ARHGEF7: variants seen among roughly 807,000 people sequenced by gnomAD.
ARHGEF7 encodes Rho guanine nucleotide exchange factor 7.
In ARHGEF7, 33 loss-of-function variants were observed where a neutral mutation model predicts 109.8. That is an observed-to-expected ratio of 0.30 (90% CI 0.23 to 0.40). The LOEUF is 0.40. Among genes scored for constraint, ARHGEF7 ranks in the 10% least tolerant of loss-of-function variants. The pLI, the probability that ARHGEF7 is intolerant of heterozygous loss-of-function variation, is 1.00. For missense variants in ARHGEF7, 938 were observed against 1,098.5 expected, an observed-to-expected ratio of 0.85 and a Z score of 2.07; for synonymous variants, 458 against 424.6, an observed-to-expected ratio of 1.08 and a Z score of -0.97.
At chr13:111,217,935 A>G in intron 5 of ARHGEF7, 55 bp downstream of exon 5, 3 of 1,512,452 alleles carry the variant, frequency 2.0e-6, no homozygotes, top group Non-Finnish European at 2.7e-6. Context: ...AGAAAGAAGT[A>G]AATGTACTTG....
At chr13:111,209,806 G>A in intron 3 of ARHGEF7, 66 bp from the exon 4 acceptor site, 4 of 1,578,920 alleles carry the variant, frequency 2.5e-6, no homozygotes, top group Non-Finnish European at 3.5e-6. Context: ...AAAGTCTAGT[G>A]TGTAGTGTGG....
At chr13:111,287,005 C>G (rs2093047103) in intron 17 of ARHGEF7, among the ~76,000 whole-genome samples, 1 of 152,172 alleles carries the variant, frequency 6.6e-6, no homozygotes, top group Non-Finnish European at 1.5e-5. Flanking sequence ...CTTCACTGCT[C>G]ACTTCCTCCA....
rs1454325012 is a variant in ARHGEF7, at chr13:111,288,577, G to GT, written c.2134+135dup. The GT allele has an allele frequency of 2.5e-5, 13 of 521,572 alleles. 1 individual carries two copies. The highest frequency in any genetic ancestry group is 2.1e-4 in the African/African-American group (11 of 52,812). 32.3% of individuals were successfully genotyped at this position (521,572 alleles called of 1,614,324 possible). On this transcript the variant is annotated intron_variant, in intron 18 of 21. Coordinates refer to ENST00000646102, the MANE Select transcript of ARHGEF7 (RefSeq NM_001354046.2). The stretch of plus-strand genomic sequence containing the variant: ...TGACCTCCCAGTGAGTGATGTTTCA[G>GT]TCAGGGGTGGCAGGCAGGACAGCAG...
intron 1 of ARHGEF7, among the ~76,000 whole-genome samples, chr13:111,118,677 G>T (rs369561650): frequency 7.4e-4 from 112 of 152,280 alleles, no homozygotes; most frequent in African/African-American, 2.5e-3. Flanking sequence ...TTAGTCAAAG[G>T]AGGTGAAATC....
intron 18 of ARHGEF7, among the ~76,000 whole-genome samples, chr13:111,289,612 G>A (rs566931503): frequency 5.9e-5 from 9 of 152,080 alleles, no homozygotes; most frequent in Admixed American, 1.3e-4. Flanking sequence ...TCACTTGCTC[G>A]TTTTGTTAAT....
At chr13:111,279,145 T>C (rs2092648498) in intron 13 of ARHGEF7, among the ~76,000 whole-genome samples, 1 of 152,250 alleles carries the variant, frequency 6.6e-6, no homozygotes, top group Non-Finnish European at 1.5e-5. Context: ...GACTTACAGC[T>C]GTTAAAGTAC....
intron 1 of ARHGEF7, chr13:111,144,600 A>G (rs2075498168): frequency 6.6e-6 from 1 of 152,252 alleles, no homozygotes; most frequent in Non-Finnish European, 1.5e-5. Context: ...AGAATAAAGC[A>G]GTGACTACCA....
intron 1 of ARHGEF7, among the ~76,000 whole-genome samples, chr13:111,129,910 C>A (rs186950749): frequency 1.3e-5 from 2 of 152,320 alleles, no homozygotes; most frequent in East Asian, 1.9e-4. Context: ...TACGGCCATA[C>A]CACGCCTTGC....
At chr13:111,186,640 A>G (rs1487446651) in intron 2 of ARHGEF7, among the ~76,000 whole-genome samples, 2 of 152,268 alleles carry the variant, frequency 1.3e-5, no homozygotes, top group South Asian at 2.1e-4. Flanking sequence ...CACAAGTTCC[A>G]TTTGACAGTG....
intron 1 of ARHGEF7, among the ~76,000 whole-genome samples, chr13:111,130,675 A>T (rs1028302580): frequency 1.3e-5 from 2 of 152,258 alleles, no homozygotes; most frequent in African/African-American, 4.8e-5. Flanking sequence ...ACGTGAAAAG[A>T]ATTACACGAA....
rs1213252193 is a variant in ARHGEF7 at position 111,244,195 on chromosome 13, C to G, written c.855-4C>G. On this transcript the variant is annotated splice_polypyrimidine_tract_variant and splice_region_variant and intron_variant, in intron 7 of 21. Coordinates refer to ENST00000646102, the MANE Select transcript of ARHGEF7 (RefSeq NM_001354046.2). ...ATGTTTACTGTTATTTTTCTTGGCT[C>G]TAGGTTAAGTTCAGCAAACATTTCA... 1.3e-5 allele frequency: 20 copies of G among 1,581,136 alleles called. No individual in the cohort carries two copies. In the African/African-American group the frequency reaches 2.0e-4, roughly 16 times the overall value.
At chr13:111,290,358 G>C (rs975652186) in intron 18 of ARHGEF7, among the ~76,000 whole-genome samples, 5 of 152,166 alleles carry the variant, frequency 3.3e-5, no homozygotes, top group African/African-American at 1.2e-4. Flanking sequence ...ACTTATAACA[G>C]CTATTTATAT....
intron 1 of ARHGEF7, among the ~76,000 whole-genome samples, chr13:111,139,372 GTC>G (rs2075239376): frequency 6.6e-6 from 1 of 151,964 alleles, no homozygotes; most frequent in South Asian, 2.1e-4. Context: ...TCCCCTTTTT[GTC>G]TCTCTGTATC....
intron 4 of ARHGEF7, among the ~76,000 whole-genome samples, chr13:111,212,857 T>C (rs1019704728): frequency 6.6e-6 from 1 of 152,240 alleles, no homozygotes; most frequent in Admixed American, 6.5e-5. Flanking sequence ...TATGCCATAA[T>C]GTAATTGACA....
At chr13:111,215,151 C>T (rs368488337) in intron 4 of ARHGEF7, among the ~76,000 whole-genome samples, 4 of 152,012 alleles carry the variant, frequency 2.6e-5, no homozygotes, top group Admixed American at 6.6e-5. Flanking sequence ...ACATACAATG[C>T]GTCATAATCA....
chr13:111,257,564 C>T (rs996345150), intron 8 of ARHGEF7, among the ~76,000 whole-genome samples: 7 of 152,264 alleles, frequency 4.6e-5, no homozygotes, highest in Non-Finnish European at 1.0e-4. Flanking sequence ...GTCCTCCCCA[C>T]AGGAACACCA....
chr13:111,225,887 T>G (rs1265644989), intron 5 of ARHGEF7, among the ~76,000 whole-genome samples: 1 of 152,166 alleles, frequency 6.6e-6, no homozygotes, highest in Non-Finnish European at 1.5e-5. Context: ...AGTGTTCAAA[T>G]GAAAGGAAGA....
intron 2 of ARHGEF7, among the ~76,000 whole-genome samples, chr13:111,192,561 A>G (rs1044008513): frequency 7.2e-5 from 11 of 152,362 alleles, no homozygotes; most frequent in Admixed American, 3.3e-4. Context: ...TTGGATTCTC[A>G]ACAAGGCCAT....
chr13:111,261,667 A>T (rs887623776), intron 8 of ARHGEF7, among the ~76,000 whole-genome samples: 1 of 152,246 alleles, frequency 6.6e-6, no homozygotes, highest in African/African-American at 2.4e-5. Context: ...TTTTCTTAGC[A>T]CATGGATCAT....
Sources: allele counts gnomAD v4.1 joint callset (sites outside exome capture counted in the v4.1 genomes callset), GRCh38; gene constraint gnomAD v4.1.1; transcripts MANE v1.5; gene names NCBI Gene and HGNC (gene_info 2026-07-23, HGNC 2026-07-21).